RAI14: variants seen among roughly 807,000 people sequenced by gnomAD.
RAI14 encodes the protein retinoic acid induced 14, also known as ankycorbin.
RAI14 carries 45 observed loss-of-function variants against 115.4 expected under a neutral mutation model. The observed-to-expected ratio is 0.39, with a 90% CI of 0.31 to 0.50. RAI14 has a LOEUF of 0.50. Ranked by LOEUF, RAI14 falls within the 20% of genes least tolerant of loss-of-function variation. The pLI, the probability that RAI14 is intolerant of heterozygous loss-of-function variation, is 0.85. For synonymous variants in RAI14, 371 were observed against 415.4 expected (o/e 0.89, Z 1.30); for missense variants, 939 against 1,131.2 (o/e 0.83, Z 2.44).
chr5:34,660,079 G>A (rs536275579), intron 1 of RAI14, among the ~76,000 whole-genome samples: 1 of 152,220 alleles, frequency 6.6e-6, no homozygotes, highest in East Asian at 1.9e-4. Flanking sequence ...AGGAGGCTGA[G>A]GTGGGAGGAT....
At chr5:34,814,718 A>G in intron 12 of RAI14, 49 bp downstream of exon 12, 2 of 1,385,772 alleles carry the variant, frequency 1.4e-6, no homozygotes, top group African/African-American at 2.8e-5. Flanking sequence ...AAGATACATG[A>G]TAGACTTGCT....
intron 2 of RAI14, chr5:34,716,306 C>G (rs1175220775): frequency 8.9e-6 from 2 of 224,484 alleles, no homozygotes; most frequent in Non-Finnish European, 1.8e-5. Context: ...TCCCCTGTAC[C>G]TCCTGGGTCA....
At chr5:34,788,760 A>G (rs1032124668) in intron 3 of RAI14, among the ~76,000 whole-genome samples, 1 of 152,120 alleles carries the variant, frequency 6.6e-6, no homozygotes, top group East Asian at 1.9e-4. Context: ...ACTTGAGGTC[A>G]GGAGTTCGAG....
Position 34,831,960 on chromosome 5 carries a change from T to C in RAI14, c.*1195T>C, listed in dbSNP as rs907233876. On this transcript the variant is annotated 3_prime_UTR_variant, in exon 18 of 18. Coordinates refer to ENST00000265109, the MANE Select transcript of RAI14 (RefSeq NM_015577.3). ...AAGGACTGTTAGTACCAATCTGTTT[T>C]TCAACTTTGAAGCTAAAAACCCTGA... The C allele has an allele frequency of 6.6e-6, 1 of 152,220 alleles. No individual in the cohort carries two copies. Among genetic ancestry groups the C allele is most frequent in the East Asian group, 1.9e-4 (1 of 5,198 alleles). The allele number at this position is 152,220 out of a possible 1,614,324, so 9.4% of individuals were successfully genotyped here. A position where few individuals can be genotyped will look rare whatever the true frequency, so the allele number is the denominator to read the frequency against.
intron 3 of RAI14, among the ~76,000 whole-genome samples, chr5:34,763,092 G>A (rs1748897326): frequency 6.6e-6 from 1 of 152,118 alleles, no homozygotes; most frequent in African/African-American, 2.4e-5. Context: ...ACTATAAAGT[G>A]GGAGAGGCAG....
intron 1 of RAI14, among the ~76,000 whole-genome samples, chr5:34,678,924 G>T (rs983554297): frequency 2.0e-5 from 3 of 152,148 alleles, no homozygotes; most frequent in Admixed American, 1.3e-4. Flanking sequence ...TCTATTGTGA[G>T]TTGCCTACTC....
chr5:34,776,989 T>G (rs1750939013), intron 3 of RAI14, among the ~76,000 whole-genome samples: 2 of 151,844 alleles, frequency 1.3e-5, no homozygotes, highest in African/African-American at 2.4e-5. Context: ...GCCAACATGG[T>G]GAAACCCCAT....
At chr5:34,814,733 G>A in intron 12 of RAI14, 64 bp downstream of exon 12, 1 of 1,263,194 alleles carries the variant, frequency 7.9e-7, no homozygotes, top group Non-Finnish European at 1.2e-6. Context: ...CTTGCTTTAA[G>A]TTATATAACA....
At chr5:34,782,356 G>T (rs188356323) in intron 3 of RAI14, among the ~76,000 whole-genome samples, 1 of 152,106 alleles carries the variant, frequency 6.6e-6, no homozygotes, top group Admixed American at 6.5e-5. Flanking sequence ...GTCAGGTTCC[G>T]CATCTGCAGA....
At position 34,815,335 on chromosome 5, in the gene RAI14, C is replaced by A. The variant is rs188391676; in HGVS notation, c.939+666C>A. 1.6e-4 allele frequency among the ~76,000 whole-genome samples: 25 copies of A among 151,668 alleles called. 1 individual carries two copies. In the East Asian group the frequency reaches 4.8e-3, roughly 29 times the overall value. ...GGCAGAGATTGCAGTGAGCCGAGATCGCGCCACTGCACTCTAGCTTGGCAA... is the reference window on the plus strand; with the variant it reads ...GGCAGAGATTGCAGTGAGCCGAGATAGCGCCACTGCACTCTAGCTTGGCAA... On this transcript the variant is annotated intron_variant, in intron 12 of 17. Coordinates refer to ENST00000265109, the MANE Select transcript of RAI14 (RefSeq NM_015577.3).
intron 4 of RAI14, among the ~76,000 whole-genome samples, chr5:34,803,358 C>T (rs775592795): frequency 3.9e-5 from 6 of 152,212 alleles, no homozygotes; most frequent in Middle Eastern, 3.4e-3. Flanking sequence ...GATCAGCTTG[C>T]GCAACGTGGC....
chr5:34,737,848 C>T (rs1411880825), intron 2 of RAI14, among the ~76,000 whole-genome samples: 3 of 152,174 alleles, frequency 2.0e-5, no homozygotes, highest in Non-Finnish European at 4.4e-5. Flanking sequence ...TTAAATTTGG[C>T]ATATTTCTGA....
At chr5:34,789,080 A>C (rs553309745) in intron 3 of RAI14, among the ~76,000 whole-genome samples, 2 of 152,298 alleles carry the variant, frequency 1.3e-5, no homozygotes, top group East Asian at 1.9e-4. Flanking sequence ...GTTGCCAGCT[A>C]TCCAGGACAC....
intron 13 of RAI14, 48 bp downstream of exon 13, chr5:34,818,899 T>A: frequency 6.6e-7 from 1 of 1,523,018 alleles, no homozygotes; most frequent in South Asian, 1.2e-5. Context: ...ACCAAACTAT[T>A]TCATGTCCAT....
At chr5:34,727,928 A>C (rs1273448267) in intron 2 of RAI14, among the ~76,000 whole-genome samples, 1 of 152,160 alleles carries the variant, frequency 6.6e-6, no homozygotes, top group East Asian at 1.9e-4. Context: ...GAGCTGTGAG[A>C]AGAAGGCCAC....
At chr5:34,813,751 G>T in intron 11 of RAI14, 91 bp downstream of exon 11, 1 of 988,852 alleles carries the variant, frequency 1.0e-6, no homozygotes, top group South Asian at 2.0e-5. Context: ...GAATGTTTTA[G>T]AACTGACCTT....
chr5:34,708,753 G>A (rs1741038399), intron 2 of RAI14, among the ~76,000 whole-genome samples: 1 of 152,156 alleles, frequency 6.6e-6, no homozygotes. Context: ...TTAAAACCAT[G>A]GGGGTAATTG....
Position 34,757,469 on chromosome 5 carries a change from C to T in RAI14, c.38C>T (p.Thr13Ile). ...TCTGTTTCTTCTCTTTCTCTACAGA[C>T]CAATGAGTGGAACAAGAATGATGAC... ...SLKAKFRKSD[T>I]NEWNKNDDRL... The change falls in exon 3 of 18, where the codon ACC becomes ATC. Residue 13 changes from threonine (T) to isoleucine (I), a missense_variant and splice_region_variant. By Grantham distance (89) the Thr-to-Ile change is moderately conservative. Coordinates refer to ENST00000265109, the MANE Select transcript of RAI14 (RefSeq NM_015577.3). The T allele has an allele frequency of 6.2e-7, 1 of 1,613,330 alleles. No homozygotes were observed. The highest frequency in any genetic ancestry group is 8.5e-7 in the Non-Finnish European group (1 of 1,179,742).
chr5:34,675,605 G>T (rs917872445), intron 1 of RAI14, among the ~76,000 whole-genome samples: 1 of 152,022 alleles, frequency 6.6e-6, no homozygotes, highest in Non-Finnish European at 1.5e-5. Flanking sequence ...ACAAAAATTA[G>T]TTGGGTGTGG....
Sources: gnomAD v4.1 joint callset for allele counts (sites outside exome capture counted in the v4.1 genomes callset) on GRCh38, gnomAD v4.1.1 for gene constraint, MANE v1.5 for transcripts, NCBI Gene and HGNC (gene_info 2026-07-23, HGNC 2026-07-21) for gene names.